CROCC2: variants seen among roughly 807,000 people sequenced by gnomAD.
CROCC2 encodes ciliary rootlet coiled-coil protein 2.
A neutral mutation model predicts 177.6 loss-of-function variants in CROCC2; 163 were observed. That is an observed-to-expected ratio of 0.92 (90% CI 0.81 to 1.05). CROCC2 has a LOEUF of 1.05. CROCC2 is among the 50% of genes least tolerant of loss of function. CROCC2 has a pLI of 0.00. For missense variants in CROCC2, 1,929 were observed against 1,797.8 expected (o/e 1.07, Z -1.32); for synonymous variants, 904 against 787.3 (o/e 1.15, Z -2.48).
chr2:240,967,075 A>T (rs2059688819), intron 25 of CROCC2, among the ~76,000 whole-genome samples: 1 of 151,594 alleles, frequency 6.6e-6, no homozygotes, highest in African/African-American at 2.4e-5. Flanking sequence ...GCTCTCCCAC[A>T]CCACACCTGT....
chr2:240,911,486 C>T (rs1574740717), intron 1 of CROCC2, among the ~76,000 whole-genome samples: 1 of 151,956 alleles, frequency 6.6e-6, no homozygotes, highest in African/African-American at 2.4e-5. Flanking sequence ...TCAGTGGAGA[C>T]GAGGTTTCGC....
Position 240,958,007 on chromosome 2 carries a change from C to A in CROCC2, c.2944-1294C>A. 2 of 985,406 alleles carry A rather than the reference C, an allele frequency of 2.0e-6. No individual in the cohort carries two copies. Among genetic ancestry groups the A allele is most frequent in the Non-Finnish European group, 2.4e-6 (2 of 829,920 alleles). The allele number at this position is 985,406 out of a possible 1,614,324, so 61.0% of individuals were successfully genotyped here. ...CTGGCTTCTGGAGCCTTCTCTTGAGCTGGCCCTGAGTCTCCCCCGGACTCG... is the reference window on the plus strand; with the variant it reads ...CTGGCTTCTGGAGCCTTCTCTTGAGATGGCCCTGAGTCTCCCCCGGACTCG... On this transcript the variant is annotated intron_variant, in intron 19 of 31. Coordinates refer to ENST00000690015, the MANE Select transcript of CROCC2 (RefSeq NM_001351305.2). The surrounding 1 kb of genome is among the most constrained non-coding windows in gnomAD (Gnocchi z 6.7).
At chr2:240,914,305 A>G (rs778946283) in intron 1 of CROCC2, among the ~76,000 whole-genome samples, 26 of 152,294 alleles carry the variant, frequency 1.7e-4, no homozygotes, top group Admixed American at 7.8e-4. Flanking sequence ...CTCCTCACCC[A>G]TTAAGGCGGA....
chr2:240,980,147 C>T (rs2059788785), intron 27 of CROCC2, among the ~76,000 whole-genome samples: 3 of 58,868 alleles, frequency 5.1e-5, no homozygotes, highest in Admixed American at 4.8e-4. Context: ...CAGGCTCATC[C>T]CTGCTCAGTC....
At chr2:240,983,946 G>A (rs2059819168) in intron 28 of CROCC2, among the ~76,000 whole-genome samples, 1 of 152,178 alleles carries the variant, frequency 6.6e-6, no homozygotes, top group East Asian at 1.9e-4. Context: ...TGCGGCTGGA[G>A]CAACAGGTGG....
At chr2:240,963,498 G>A (rs1352022815) in intron 20 of CROCC2, 58 bp from the exon 21 acceptor site, 3 of 1,449,492 alleles carry the variant, frequency 2.1e-6, no homozygotes, top group Non-Finnish European at 2.7e-6. Flanking sequence ...AGGCCCCTGT[G>A]GCTATCCCTG....
At chr2:240,936,922 T>C (rs992876046) in intron 14 of CROCC2, among the ~76,000 whole-genome samples, 2 of 152,232 alleles carry the variant, frequency 1.3e-5, no homozygotes, top group Admixed American at 6.5e-5. Flanking sequence ...GCGACTGATA[T>C]GGGACTGTGA....
intron 2 of CROCC2, 24 bp from the exon 3 acceptor site, chr2:240,919,959 C>A (rs961272381): frequency 8.8e-5 from 63 of 715,476 alleles, no homozygotes; most frequent in Non-Finnish European, 1.5e-4. Flanking sequence ...TCTGGCCACC[C>A]AGGCTGACCC....
Position 240,964,490 on chromosome 2 carries a change from G to A in CROCC2, c.3330G>A (p.Lys1110=). 2 of 1,548,834 alleles carry A rather than the reference G, an allele frequency of 1.3e-6. No individual in the cohort carries two copies. The highest frequency in any genetic ancestry group is 1.2e-5 in the South Asian group (1 of 83,972). The change falls in exon 22 of 32, where the codon AAG becomes AAA. Residue 1110 remains lysine (K), a synonymous_variant. Transcript: ENST00000690015. ...GTTTTAAGCGGTCCAAGGAGGAGAA[G>A]GAGCAGAAGCTGCTCATCCTGGAGG... ...KASFKRSKEE[K]EQKLLILEEA...
Position 240,929,713 on chromosome 2 carries a change from T to C in CROCC2, c.646-453T>C, listed in dbSNP as rs1376267192. The C allele has an allele frequency of 2.4e-5, 11 of 457,748 alleles. No individual in the cohort carries two copies. In the Admixed American group the frequency reaches 2.6e-4, roughly 11 times the overall value. The allele number at this position is 457,748 out of a possible 1,614,324, so 28.4% of individuals were successfully genotyped here. On this transcript the variant is annotated intron_variant, in intron 5 of 31. Transcript: ENST00000690015. The stretch of plus-strand genomic sequence containing the variant: ...CCCTCCAGAGTAAGGAGAAAGACTG[T>C]ACTGGAGAAAGGCAGCCCGTCCTCT...
rs926903349 is a variant in CROCC2 at position 240,917,037 on chromosome 2, A to AG, written c.79-1683dup. The stretch of plus-strand genomic sequence containing the variant: ...CTCCCCCACTGGGCTGCTGCTCCCA[A>AG]GGGGGGCCCATTACTCCCTCCAGAA... On this transcript the variant is annotated intron_variant, in intron 1 of 31. Transcript: ENST00000690015. This position sits in a 1 kb window ranked among gnomAD's most constrained non-coding sequence, Gnocchi z 4.9. Among the ~76,000 whole-genome samples the AG allele has an allele frequency of 1.3e-5, 2 of 152,014 alleles. No homozygotes were observed. Among genetic ancestry groups the AG allele is most frequent in the Non-Finnish European group, 2.9e-5 (2 of 67,954 alleles).
rs756814500 is a variant in CROCC2 at position 240,932,318 on chromosome 2, ACT to A, written c.952_953del (p.Ser318GlyfsTer14). ...DAEKVALQARLSEQTLLVEKL... is the reference protein window; with the variant it reads ...DAEKVALQARXSEQTLLVEKL... ...CCCCACACCCCCCGACTCCTCCCAGACTCTCGGAGCAAACCCTGCTGGTGGAG... is the reference window on the plus strand; with the variant it reads ...CCCCACACCCCCCGACTCCTCCCAGACTCGGAGCAAACCCTGCTGGTGGAG... On this transcript the variant is annotated frameshift_variant and splice_region_variant, in exon 8 of 32. Coordinates refer to ENST00000690015, the MANE Select transcript of CROCC2 (RefSeq NM_001351305.2). LOFTEE classifies it high-confidence loss of function. 1.3e-4 allele frequency: 91 copies of A among 714,506 alleles called. No individual in the cohort carries two copies. Among genetic ancestry groups the A allele is most frequent in the Non-Finnish European group, 2.2e-4 (86 of 383,032 alleles). 44.3% of individuals were successfully genotyped at this position (714,506 alleles called of 1,614,324 possible). A position where few individuals can be genotyped will look rare whatever the true frequency, so the allele number is the denominator to read the frequency against.
intron 25 of CROCC2, 42 bp from the exon 26 acceptor site, chr2:240,967,303 G>A (rs541521161): frequency 2.7e-5 from 17 of 628,352 alleles, no homozygotes; most frequent in African/African-American, 1.6e-4. Context: ...CCCTCCACCC[G>A]CCCATTGGAC....
intron 7 of CROCC2, among the ~76,000 whole-genome samples, chr2:240,931,793 AAC>A (rs1314644356): frequency 6.6e-6 from 1 of 152,224 alleles, no homozygotes; most frequent in Non-Finnish European, 1.5e-5. Flanking sequence ...AGCTGAGTCA[AAC>A]ACACCACAAC....
Position 240,982,940 on chromosome 2 carries a change from G to A in CROCC2, c.4462G>A (p.Ala1488Thr). The A allele has an allele frequency of 6.4e-7, 1 of 1,550,440 alleles. No homozygotes were observed. Among genetic ancestry groups the A allele is most frequent in the South Asian group, 1.2e-5 (1 of 84,046 alleles). ...GAGCAGGAGGCACAGCCAAGGTCTG[G>A]CCAAGCAGGGGAAGCTGCTGGAAGA... ...EESRRHSQGL[A>T]KQGKLLEEQL... is the part of the protein sequence containing the mutation. The change falls in exon 28 of 32, where the codon GCC (alanine) becomes ACC (threonine). Residue 1488 changes from alanine (A) to threonine (T), a missense_variant. Transcript: ENST00000690015. This position sits in a 1 kb window ranked among gnomAD's most constrained non-coding sequence, Gnocchi z 4.7.
At position 240,972,807 on chromosome 2, in the gene CROCC2, G is replaced by A. The variant is rs1224342656; in HGVS notation, c.4401+4545G>A. ...CCAAGTCCCTGGTCTCCAGCTCTGA[G>A]GAAAGTTTTTCCCAACTTTTTGTAA... On this transcript the variant is annotated intron_variant, in intron 27 of 31. Transcript: ENST00000690015. The surrounding 1 kb of genome is among the most constrained non-coding windows in gnomAD (Gnocchi z 7.1). Among the ~76,000 whole-genome samples, 2 of 152,066 alleles carry A rather than the reference G, an allele frequency of 1.3e-5. No homozygotes were observed. The highest frequency in any genetic ancestry group is 2.4e-5 in the African/African-American group (1 of 41,386).
In CROCC2 at chr2:240,949,408, G is replaced by A; in HGVS notation, c.2483-125G>A. 8.1e-7 allele frequency: 1 copy of A among 1,228,492 alleles called. No homozygotes were observed. Among genetic ancestry groups the A allele is most frequent in the Non-Finnish European group, 1.1e-6 (1 of 884,708 alleles). 76.1% of individuals were successfully genotyped at this position (1,228,492 alleles called of 1,614,324 possible). ...GCTCAGCCCACCCTGCCATGTGCTG[G>A]CCACCCACTCCCGGAGCCTGGAGTG... On this transcript the variant is annotated intron_variant, in intron 16 of 31. Coordinates refer to ENST00000690015, the MANE Select transcript of CROCC2 (RefSeq NM_001351305.2). This position sits in a 1 kb window ranked among gnomAD's most constrained non-coding sequence, Gnocchi z 4.5.
chr2:240,907,499 C>G (rs1574738317), intron 1 of CROCC2, among the ~76,000 whole-genome samples: 1 of 152,158 alleles, frequency 6.6e-6, no homozygotes, highest in Non-Finnish European at 1.5e-5. Context: ...CTCTTAGCAT[C>G]TCAAAACTAT....
intron 28 of CROCC2, 113 bp downstream of exon 28, chr2:240,983,142 C>A: frequency 8.9e-7 from 1 of 1,127,868 alleles, no homozygotes; most frequent in Non-Finnish European, 1.3e-6. Context: ...TGAAGGGAGG[C>A]CTAGAGAGAT....
Sources: allele counts gnomAD v4.1 joint callset (sites outside exome capture counted in the v4.1 genomes callset), GRCh38; gene constraint gnomAD v4.1.1; non-coding constraint Gnocchi (gnomAD v3.1); transcripts MANE v1.5; gene names NCBI Gene and HGNC (gene_info 2026-07-23, HGNC 2026-07-21).